The following UBTF variants were observed in gnomAD, a reference collection of about 807,000 sequenced individuals.
The protein encoded by UBTF is nucleolar transcription factor 1.
A neutral mutation model predicts 112.3 loss-of-function variants in UBTF; 8 were observed. The observed-to-expected ratio is 0.07, with a 90% CI of 0.04 to 0.13. UBTF has a LOEUF of 0.13. UBTF is among the 10% of genes least tolerant of loss of function. UBTF has a pLI of 1.00. For missense variants in UBTF, 457 were observed against 982.1 expected, an observed-to-expected ratio of 0.47 and a Z score of 7.15; for synonymous variants, 417 against 373.1, an observed-to-expected ratio of 1.12 and a Z score of -1.36.
Position 44,218,268 on chromosome 17 carries a change from G to A in UBTF, c.-39C>T. The A allele has an allele frequency of 1.2e-6, 2 of 1,607,858 alleles. No individual in the cohort carries two copies. Among genetic ancestry groups the A allele is most frequent in the Middle Eastern group, 1.7e-4 (1 of 6,020 alleles). On this transcript the variant is annotated 5_prime_UTR_variant, in exon 2 of 21. Transcript: ENST00000436088. ...AGCCACCTCCTCGGTCGTGCTGGCC[G>A]GGCAACCCGGGGTCAAAGCCACCTC...
intron 1 of UBTF, chr17:44,219,055 C>T (rs1435981260): frequency 6.7e-6 from 1 of 149,672 alleles, no homozygotes. Context: ...ACCGCCGCCT[C>T]CTCCCCCGAG....
Position 44,206,090 on chromosome 17 carries a change from C to G in UBTF, c.*1152G>C, listed in dbSNP as rs2056225080. 6.6e-6 allele frequency: 1 copy of G among 152,132 alleles called. No individual in the cohort carries two copies. Among genetic ancestry groups the G allele is most frequent in the Admixed American group, 6.5e-5 (1 of 15,274 alleles). 9.4% of individuals were successfully genotyped at this position (152,132 alleles called of 1,614,324 possible). On this transcript the variant is annotated 3_prime_UTR_variant, in exon 21 of 21. Transcript: ENST00000436088. ...AGCCTGGGGTGGCCAGGCTTGGCCT[C>G]TCAGATGAACAGGGGAGACCTTTTC...
chr17:44,210,843 C>T lies in UBTF; in HGVS notation c.1308G>A (p.Glu436=). 1 of 1,569,994 alleles carries T rather than the reference C, an allele frequency of 6.4e-7. No individual in the cohort carries two copies. The change falls in exon 13 of 21, where the codon GAG becomes GAA. Residue 436 remains glutamate (E), a synonymous_variant. Coordinates refer to ENST00000436088, the MANE Select transcript of UBTF (RefSeq NM_014233.4). ...QEERPELSES[E]LTRLLARMWN... is the part of the protein sequence containing the mutation. ...ACATTCGGGCCAGCAGGCGGGTCAGCTCGCTCTCGGAGAGCTCAGGCCGCT... is the reference window on the plus strand; with the variant it reads ...ACATTCGGGCCAGCAGGCGGGTCAGTTCGCTCTCGGAGAGCTCAGGCCGCT...
chr17:44,215,079 G>A (rs2046778388), intron 5 of UBTF, among the ~76,000 whole-genome samples: 1 of 148,016 alleles, frequency 6.8e-6, no homozygotes, highest in Non-Finnish European at 1.5e-5. Flanking sequence ...GAGGGACAAT[G>A]TGTGTCCTTG....
Position 44,211,951 on chromosome 17 carries a change from C to G in UBTF, c.827G>C (p.Gly276Ala). Residue 276 changes from glycine (G) to alanine (A), a missense_variant, in exon 9 of 21, where the codon GGT (glycine) becomes GCT (alanine). Transcript: ENST00000436088. The surrounding 1 kb of genome is among the most constrained non-coding windows in gnomAD (Gnocchi z 4.9). ...KHPELNISEEGITKSTLTKAE... is the reference protein window; with the variant it reads ...KHPELNISEEAITKSTLTKAE... ...CTTGGTGAGGGTGGACTTGGTGATA[C>G]CCTCCTCACTGATGTTCAGCTCTGG... 1 of 1,613,956 alleles carries G rather than the reference C, an allele frequency of 6.2e-7. No homozygotes were observed. Among genetic ancestry groups the G allele is most frequent in the Non-Finnish European group, 8.5e-7 (1 of 1,179,986 alleles).
chr17:44,220,773 C>T (rs1206625785), upstream of UBTF: 2 of 152,030 alleles, frequency 1.3e-5, no homozygotes, highest in South Asian at 2.1e-4. Context: ...GCCGGGGGCA[C>T]CTGGGAGCAC....
rs1567805494 is a variant in UBTF at position 44,215,818 on chromosome 17, A to G, written c.319-9T>C. 6 of 1,614,132 alleles carry G rather than the reference A, an allele frequency of 3.7e-6. No individual in the cohort carries two copies. Among genetic ancestry groups the G allele is most frequent in the Non-Finnish European group, 5.1e-6 (6 of 1,180,008 alleles). ...GGGAAGTCTGGGTGTTTCTGGAAGA[A>G]GGGACAAGGACACAATGGAGGTCAA... On this transcript the variant is annotated splice_polypyrimidine_tract_variant and intron_variant, in intron 4 of 20. Coordinates refer to ENST00000436088, the MANE Select transcript of UBTF (RefSeq NM_014233.4).
At chr17:44,210,277 G>A (rs2056566869) in intron 14 of UBTF, 41 bp downstream of exon 14, 1 of 1,614,240 alleles carries the variant, frequency 6.2e-7, no homozygotes, top group Non-Finnish European at 8.5e-7. Context: ...GGGTCACCCG[G>A]GGCTAGAGGC....
chr17:44,216,723 G>T lies in UBTF; in HGVS notation c.59-19C>A, dbSNP rs1389968154. 1 of 1,613,518 alleles carries T rather than the reference G, an allele frequency of 6.2e-7. No homozygotes were observed. The highest frequency in any genetic ancestry group is 8.5e-7 in the Non-Finnish European group (1 of 1,179,638). On this transcript the variant is annotated intron_variant, in intron 2 of 20. Coordinates refer to ENST00000436088, the MANE Select transcript of UBTF (RefSeq NM_014233.4). ...CAACGGTCTGGTAAAGAGTAACAGA[G>T]GCCATCATGCCTGGCTCATGCTATC...
chr17:44,213,013 C>A, intron 6 of UBTF, 74 bp from the exon 7 acceptor site: 2 of 1,586,596 alleles, frequency 1.3e-6, no homozygotes, highest in South Asian at 1.2e-5. Context: ...GCCCCACCCA[C>A]CAAGCCTCCT....
Position 44,207,528 on chromosome 17 carries a change from T to C in UBTF, c.2095A>G (p.Asn699Asp). 1 of 1,613,568 alleles carries C rather than the reference T, an allele frequency of 6.2e-7. No individual in the cohort carries two copies. Among genetic ancestry groups the C allele is most frequent in the Non-Finnish European group, 8.5e-7 (1 of 1,179,856 alleles). The change falls in exon 20 of 21, where the codon AAT becomes GAT. Residue 699 changes from asparagine to aspartate, a missense_variant. By Grantham distance (23) the Asn-to-Asp change is conservative. Transcript: ENST00000436088. ...DEDEEEEDDE[N>D]GDSSEDGGDS... ...CCGCCATCTTCAGAGGAGTCCCCAT[T>C]CTCATCATCTTCCTCTTCTTCATCC...
intron 14 of UBTF, 25 bp downstream of exon 14, chr17:44,210,293 T>G (rs1253304388): frequency 6.2e-7 from 1 of 1,614,128 alleles, no homozygotes; most frequent in Non-Finnish European, 8.5e-7. Flanking sequence ...GAGGCTGCAG[T>G]ACTACCCTTT....
intron 2 of UBTF, among the ~76,000 whole-genome samples, chr17:44,217,899 C>T (rs1252795886): frequency 6.6e-6 from 1 of 152,210 alleles, no homozygotes; most frequent in East Asian, 1.9e-4. Context: ...CTGGGACACA[C>T]TTCAGGCTGA....
At chr17:44,212,612 C>T (rs1479034710) in intron 7 of UBTF, among the ~76,000 whole-genome samples, 158 bp from the exon 8 acceptor site, 4 of 152,282 alleles carry the variant, frequency 2.6e-5, no homozygotes, top group Admixed American at 2.0e-4. Flanking sequence ...GCGGGGATCC[C>T]GCCTGGGTGC....
At position 44,207,490 on chromosome 17, in the gene UBTF, C is replaced by A. The variant is rs907630141; in HGVS notation, c.2133G>T (p.Glu711Asp). Residue 711 changes from glutamate to aspartate, a missense_variant, in exon 20 of 21, where the codon GAG (glutamate) becomes GAT (aspartate). Transcript: ENST00000436088. Reference sequence around the variant, plus strand: ...CCTCGCTCTCGTCCTCGCTGCTGGACTCAGAGGAGTCGCCGCCATCTTCAG... The same window carrying A: ...CCTCGCTCTCGTCCTCGCTGCTGGAATCAGAGGAGTCGCCGCCATCTTCAG... ...DSSEDGGDSS[E>D]SSSEDESEDG... 2.9e-5 allele frequency: 46 copies of A among 1,613,948 alleles called. No individual in the cohort carries two copies. Among genetic ancestry groups the A allele is most frequent in the Non-Finnish European group, 3.8e-5 (45 of 1,180,018 alleles).
At chr17:44,207,637 GC>G (rs1567786889) in intron 19 of UBTF, 40 bp from the exon 20 acceptor site, 1 of 1,614,086 alleles carries the variant, frequency 6.2e-7, no homozygotes, top group Non-Finnish European at 8.5e-7. Context: ...TCTGGTCTCT[GC>G]CCAACCATTC....
rs747638569 is a variant in UBTF at position 44,211,173 on chromosome 17, C to G, written c.1090-21G>C. 4 of 1,612,808 alleles carry G rather than the reference C, an allele frequency of 2.5e-6. No individual in the cohort carries two copies. Among genetic ancestry groups the G allele is most frequent in the Non-Finnish European group, 3.4e-6 (4 of 1,179,714 alleles). On this transcript the variant is annotated intron_variant, in intron 11 of 20. Transcript: ENST00000436088. This position sits in a 1 kb window ranked among gnomAD's most constrained non-coding sequence, Gnocchi z 4.9. ...AGGCTCTGGACAGGAAAGAGGAGCA[C>G]GGGGCTGCATGCCTGGCACCCAGAC...
intron 5 of UBTF, among the ~76,000 whole-genome samples, chr17:44,215,169 T>C (rs985133685): frequency 6.6e-6 from 1 of 152,252 alleles, no homozygotes; most frequent in Non-Finnish European, 1.5e-5. Flanking sequence ...TCTGGGGCAC[T>C]AAATCCTGCT....
chr17:44,213,127 C>T, intron 6 of UBTF, 91 bp downstream of exon 6: 1 of 1,550,978 alleles, frequency 6.4e-7, no homozygotes, highest in Non-Finnish European at 8.8e-7. Flanking sequence ...TTCCATGCCT[C>T]AGAGATGGCA....
Sources: gnomAD v4.1 joint callset for allele counts (sites outside exome capture counted in the v4.1 genomes callset) on GRCh38, gnomAD v4.1.1 for gene constraint, Gnocchi (gnomAD v3.1) non-coding constraint, MANE v1.5 for transcripts, NCBI Gene and HGNC (gene_info 2026-07-23, HGNC 2026-07-21) for gene names.